Variants in LRRTM4 observed in about 807,000 individuals in gnomAD.
The protein encoded by LRRTM4 is leucine-rich repeat transmembrane neuronal protein 4.
A neutral mutation model predicts 47.6 loss-of-function variants in LRRTM4; 25 were observed. The observed-to-expected ratio is 0.53, with a 90% CI of 0.38 to 0.73. The LOEUF (loss-of-function observed/expected upper bound fraction) is 0.73, where lower values mean the gene tolerates loss of function less well. LRRTM4 is among the 30% of genes least tolerant of loss of function. The pLI is 0.00. For missense variants in LRRTM4, 638 were observed against 713.4 expected, an observed-to-expected ratio of 0.89 and a Z score of 1.20; for synonymous variants, 311 against 269.5, an observed-to-expected ratio of 1.15 and a Z score of -1.51.
intron 3 of LRRTM4, among the ~76,000 whole-genome samples, chr2:77,101,028 G>T (rs1455719905): frequency 6.6e-6 from 1 of 151,608 alleles, no homozygotes; most frequent in South Asian, 2.1e-4. Context: ...GTAGAGACGG[G>T]GTTTCACCAC....
At chr2:77,251,249 G>GTGTA (rs200677121) in intron 3 of LRRTM4, among the ~76,000 whole-genome samples, 9 of 70,592 alleles carry the variant, frequency 1.3e-4, no homozygotes, top group South Asian at 3.7e-4. Flanking sequence ...GTGTGTGTGT[G>GTGTA]TATATATATA....
chr2:77,040,537 G>A (rs911041478), intron 3 of LRRTM4, among the ~76,000 whole-genome samples: 1 of 151,426 alleles, frequency 6.6e-6, no homozygotes. Flanking sequence ...ATAAGTGCTA[G>A]TAAACAGTAG....
In LRRTM4 at chr2:77,521,787, A is replaced by T; in HGVS notation, c.-116T>A. ...TGCGGCTGTCATTCACACCATTCTG[A>T]TCCCGCATGTGAGCTAGTAGCCCCA... On this transcript the variant is annotated 5_prime_UTR_variant, in exon 2 of 4. Transcript: ENST00000409884. 1 of 1,097,104 alleles carries T rather than the reference A, an allele frequency of 9.1e-7. No homozygotes were observed. Among genetic ancestry groups the T allele is most frequent in the Non-Finnish European group, 1.4e-6 (1 of 737,236 alleles). 68.0% of individuals were successfully genotyped at this position (1,097,104 alleles called of 1,614,324 possible).
chr2:77,450,232 T>C (rs113499043), intron 3 of LRRTM4, among the ~76,000 whole-genome samples: 95 of 151,940 alleles, frequency 6.3e-4, no homozygotes, highest in African/African-American at 2.1e-3. Context: ...AGGAGTTATA[T>C]AATATTAAAA....
At chr2:77,276,097 A>G (rs1395190507) in intron 3 of LRRTM4, among the ~76,000 whole-genome samples, 2 of 152,026 alleles carry the variant, frequency 1.3e-5, no homozygotes, top group African/African-American at 2.4e-5. Context: ...ATGATATTCA[A>G]TCTATCTTCA....
intron 3 of LRRTM4, among the ~76,000 whole-genome samples, chr2:77,088,243 C>A (rs918929800): frequency 1.1e-4 from 16 of 152,126 alleles, no homozygotes; most frequent in African/African-American, 3.9e-4. Context: ...CACAGAACAG[C>A]CTGAAGCAAT....
chr2:77,021,942 A>G (rs1287924519), intron 3 of LRRTM4, among the ~76,000 whole-genome samples: 2 of 152,198 alleles, frequency 1.3e-5, no homozygotes, highest in African/African-American at 4.8e-5. Flanking sequence ...TGTTCACCTT[A>G]TAACTGAAAG....
In LRRTM4 at chr2:77,376,439, T is replaced by A. The variant is rs144871683; in HGVS notation, c.1551+141879A>T. ...TTTTTTTTTTTGCTAATGTCCTTTT[T>A]CAGTCCCCATCCCCAATACCATCCT... On this transcript the variant is annotated intron_variant, in intron 3 of 3. Transcript: ENST00000409884. Among the ~76,000 whole-genome samples, 582 of 151,486 alleles carry A rather than the reference T, an allele frequency of 3.8e-3. 4 individuals carry two copies. Among genetic ancestry groups the A allele is most frequent in the African/African-American group, 0.013 (553 of 41,398 alleles).
At chr2:76,765,281 A>G (rs1362280664) in intron 3 of LRRTM4, among the ~76,000 whole-genome samples, 7 of 152,166 alleles carry the variant, frequency 4.6e-5, no homozygotes, top group Non-Finnish European at 1.0e-4. Context: ...AGGATGAACT[A>G]TACACTTCCA....
At chr2:77,398,963 T>C (rs1424394302) in intron 3 of LRRTM4, among the ~76,000 whole-genome samples, 1 of 151,720 alleles carries the variant, frequency 6.6e-6, no homozygotes, top group Non-Finnish European at 1.5e-5. Context: ...GGAAGGTAGA[T>C]ACTAATTGAA....
intron 3 of LRRTM4, among the ~76,000 whole-genome samples, chr2:77,350,332 C>CAAAAAAAAAAAAAAAAAAAAAAAA (rs61365229): frequency 2.6e-5 from 1 of 39,182 alleles, no homozygotes; most frequent in African/African-American, 8.8e-5. Flanking sequence ...GACTCCGTCT[C>CAAAAAAAAAAAAAAAAAAAAAAAA]AAAAAAAAAA....
At chr2:76,816,185 A>T (rs530614720) in intron 3 of LRRTM4, among the ~76,000 whole-genome samples, 1 of 152,092 alleles carries the variant, frequency 6.6e-6, no homozygotes, top group Non-Finnish European at 1.5e-5. Flanking sequence ...TTTGTATGCA[A>T]AGGGGTTAAA....
At chr2:76,846,588 C>T (rs921547574) in intron 3 of LRRTM4, among the ~76,000 whole-genome samples, 1 of 151,772 alleles carries the variant, frequency 6.6e-6, no homozygotes, top group South Asian at 2.1e-4. Context: ...ATCAGTTCAT[C>T]ACAGAAATAA....
At chr2:77,068,924 C>T (rs183168020) in intron 3 of LRRTM4, among the ~76,000 whole-genome samples, 1 of 150,952 alleles carries the variant, frequency 6.6e-6, no homozygotes, top group Non-Finnish European at 1.5e-5. Flanking sequence ...ATTCTTAAAC[C>T]ACAAACAATA....
At chr2:76,947,100 G>A (rs1675346356) in intron 3 of LRRTM4, among the ~76,000 whole-genome samples, 1 of 151,648 alleles carries the variant, frequency 6.6e-6, no homozygotes, top group African/African-American at 2.4e-5. Context: ...ATTTGAATGG[G>A]AAAAAAATGG....
chr2:77,513,008 C>T (rs1012604232), intron 3 of LRRTM4, among the ~76,000 whole-genome samples: 15 of 152,162 alleles, frequency 9.9e-5, no homozygotes, highest in Admixed American at 6.6e-5. Context: ...CTAATGAAAA[C>T]TCTATTCACA....
chr2:76,826,058 A>C (rs1671181730), intron 3 of LRRTM4, among the ~76,000 whole-genome samples: 1 of 151,802 alleles, frequency 6.6e-6, no homozygotes, highest in South Asian at 2.1e-4. Flanking sequence ...TACACATAGA[A>C]TAATAGTTCA....
At chr2:76,753,027 G>A (rs950660505) in intron 3 of LRRTM4, among the ~76,000 whole-genome samples, 18 of 152,254 alleles carry the variant, frequency 1.2e-4, no homozygotes, top group African/African-American at 4.3e-4. Context: ...ATCACATAGA[G>A]AAATATATTC....
Position 77,322,879 on chromosome 2 carries a change from C to T in LRRTM4, c.1551+195439G>A, listed in dbSNP as rs147349923. On this transcript the variant is annotated intron_variant, in intron 3 of 3. Transcript: ENST00000409884. ...TTCCACCCCAGCTTATTGTATGTAA[C>T]CAGTTTTTCAAAATAGAAATGTCAG... Among the ~76,000 whole-genome samples the T allele has an allele frequency of 4.4e-4, 66 of 150,578 alleles. 1 individual carries two copies. In the East Asian group the frequency reaches 0.011, roughly 24 times the overall value.
Sources: gnomAD v4.1 joint callset for allele counts (sites outside exome capture counted in the v4.1 genomes callset) on GRCh38, gnomAD v4.1.1 for gene constraint, MANE v1.5 for transcripts, NCBI Gene and HGNC (gene_info 2026-07-23, HGNC 2026-07-21) for gene names.